FRMD6: variants seen among roughly 807,000 people sequenced by gnomAD.
FRMD6 encodes FERM domain containing 6.
A neutral mutation model predicts 73.2 loss-of-function variants in FRMD6; 37 were observed. The ratio of observed to expected loss-of-function variants is 0.51; its 90% confidence interval spans 0.39 to 0.66. The LOEUF is 0.66. Ranked by LOEUF, FRMD6 falls within the 30% of genes least tolerant of loss-of-function variation. The pLI, the probability that FRMD6 is intolerant of heterozygous loss-of-function variation, is 0.00. For missense variants in FRMD6, 714 were observed against 780.5 expected, an observed-to-expected ratio of 0.91 and a Z score of 1.02; for synonymous variants, 273 against 282.2, an observed-to-expected ratio of 0.97 and a Z score of 0.33.
At chr14:51,581,146 A>G (rs1433452767) in intron 2 of FRMD6, among the ~76,000 whole-genome samples, 2 of 152,136 alleles carry the variant, frequency 1.3e-5, no homozygotes, top group Non-Finnish European at 2.9e-5. Flanking sequence ...CCATTCAACT[A>G]CACTAATATC....
At chr14:51,628,269 G>T (rs182577997) in intron 2 of FRMD6, among the ~76,000 whole-genome samples, 1 of 152,214 alleles carries the variant, frequency 6.6e-6, no homozygotes, top group East Asian at 1.9e-4. Context: ...ATCACTTTAT[G>T]AATTATATAA....
intron 1 of FRMD6, among the ~76,000 whole-genome samples, chr14:51,504,757 C>T (rs1010695958): frequency 3.3e-5 from 5 of 152,184 alleles, no homozygotes; most frequent in African/African-American, 9.7e-5. Flanking sequence ...CAACTGCATT[C>T]CATGTTGTGG....
At chr14:51,625,007 A>G (rs760101981) in intron 2 of FRMD6, among the ~76,000 whole-genome samples, 2 of 152,234 alleles carry the variant, frequency 1.3e-5, no homozygotes, top group Non-Finnish European at 2.9e-5. Flanking sequence ...GTTATATTGT[A>G]TCTAGAAACC....
intron 2 of FRMD6, among the ~76,000 whole-genome samples, chr14:51,632,888 C>T (rs1026628710): frequency 2.6e-5 from 4 of 152,126 alleles, no homozygotes. Context: ...GACCTGAATT[C>T]CAACAAGCCA....
In FRMD6 at chr14:51,534,229, A is replaced by G. The variant is rs534049059; in HGVS notation, c.-209-36119A>G. ...CTAACTGGTTATGTTTTCTCGAACCACATGCTTAAACCAACTTCTTCCACA... is the reference window on the plus strand; with the variant it reads ...CTAACTGGTTATGTTTTCTCGAACCGCATGCTTAAACCAACTTCTTCCACA... On this transcript the variant is annotated intron_variant, in intron 1 of 14. Coordinates refer to the FRMD6 transcript ENST00000356218. 1.1e-4 allele frequency among the ~76,000 whole-genome samples: 16 copies of G among 152,362 alleles called. 1 individual carries two copies. In the South Asian group the frequency reaches 2.3e-3, roughly 22 times the overall value.
the FRMD6 span, among the ~76,000 whole-genome samples, chr14:51,421,655 A>G: frequency 5.3e-5 from 8 of 152,236 alleles, no homozygotes; most frequent in East Asian, 9.6e-4. Flanking sequence ...ATAGAGCACT[A>G]TAATTGAAGT....
At chr14:51,446,980 G>A in the FRMD6 span, among the ~76,000 whole-genome samples, 2 of 152,166 alleles carry the variant, frequency 1.3e-5, no homozygotes, top group African/African-American at 4.8e-5. Context: ...TGTTGTACAG[G>A]AAATTCCACA....
At chr14:51,623,452 G>A (rs1434164335) in intron 2 of FRMD6, among the ~76,000 whole-genome samples, 2 of 152,248 alleles carry the variant, frequency 1.3e-5, no homozygotes, top group East Asian at 1.9e-4. Flanking sequence ...TCTGAAAGCT[G>A]TAATTCTGCA....
intron 1 of FRMD6, among the ~76,000 whole-genome samples, chr14:51,529,671 A>G (rs1885468075): frequency 6.6e-6 from 1 of 152,230 alleles, no homozygotes. Flanking sequence ...TAGTCCCAGC[A>G]TCTCCCGATA....
intron 12 of FRMD6, among the ~76,000 whole-genome samples, chr14:51,722,304 C>T (rs893950021): frequency 5.3e-5 from 8 of 152,184 alleles, no homozygotes; most frequent in Non-Finnish European, 8.8e-5. Flanking sequence ...ATTTTGTGCT[C>T]CATGCTTTGG....
At chr14:51,672,955 TGTAA>T (rs958260650) in intron 1 of FRMD6, among the ~76,000 whole-genome samples, 15 of 152,192 alleles carry the variant, frequency 9.9e-5, no homozygotes, top group African/African-American at 3.6e-4. Context: ...TATTCTAGCA[TGTAA>T]GTAAGTTACT....
the FRMD6 span, among the ~76,000 whole-genome samples, chr14:51,398,560 A>ATT: frequency 1.4e-4 from 21 of 149,424 alleles, no homozygotes; most frequent in African/African-American, 4.4e-4. Flanking sequence ...AGCAAATTGC[A>ATT]TTTTTTTTTT....
chr14:51,460,124 C>T, the FRMD6 span, among the ~76,000 whole-genome samples: 1 of 151,974 alleles, frequency 6.6e-6, no homozygotes, highest in Non-Finnish European at 1.5e-5. Context: ...ATTTATTGAA[C>T]AGCTGCTATA....
At chr14:51,629,819 AG>A (rs761216248) in intron 2 of FRMD6, among the ~76,000 whole-genome samples, 8 of 152,210 alleles carry the variant, frequency 5.3e-5, no homozygotes, top group Non-Finnish European at 8.8e-5. Context: ...TTCAAGCCTC[AG>A]TTTTTTTCAT....
intron 2 of FRMD6, among the ~76,000 whole-genome samples, chr14:51,582,322 C>G (rs991280643): frequency 6.7e-6 from 1 of 150,238 alleles, no homozygotes; most frequent in Non-Finnish European, 1.5e-5. Context: ...TCAGGATAGT[C>G]CGTCGTCCCA....
chr14:51,723,445 A>G (rs961315639), intron 12 of FRMD6, among the ~76,000 whole-genome samples: 71 of 152,296 alleles, frequency 4.7e-4, no homozygotes, highest in African/African-American at 1.7e-3. Context: ...GAAGATTTAT[A>G]TATAAAAAAA....
chr14:51,709,209 T>C (rs1037742001), intron 7 of FRMD6, among the ~76,000 whole-genome samples: 1 of 152,146 alleles, frequency 6.6e-6, no homozygotes, highest in Non-Finnish European at 1.5e-5. Flanking sequence ...TGAATCTCAG[T>C]TTGGCCTCTT....
chr14:51,725,581 A>G lies in FRMD6; in HGVS notation c.1493-198A>G, dbSNP rs114405550. Among the ~76,000 whole-genome samples, 1,273 of 152,322 alleles carry G rather than the reference A, an allele frequency of 8.4e-3. 16 individuals carry two copies. Among genetic ancestry groups the G allele is most frequent in the African/African-American group, 0.028 (1,156 of 41,572 alleles). ...TTACACTCTAACCCTACTTTGACTC[A>G]TTAACCTCTATTTACTGTAAGATGA... is the stretch of plus-strand genomic sequence containing the variant. On this transcript the variant is annotated intron_variant, in intron 12 of 13. Coordinates refer to ENST00000344768, the MANE Select transcript of FRMD6 (RefSeq NM_001267046.2).
chr14:51,675,681 T>G (rs964986253), intron 1 of FRMD6, among the ~76,000 whole-genome samples: 1 of 152,180 alleles, frequency 6.6e-6, no homozygotes, highest in Non-Finnish European at 1.5e-5. Flanking sequence ...TCCAGATGAA[T>G]TTTTTAATTT....
Sources: gnomAD v4.1 joint callset for allele counts (sites outside exome capture counted in the v4.1 genomes callset) on GRCh38, gnomAD v4.1.1 for gene constraint, MANE v1.5 for transcripts, NCBI Gene and HGNC (gene_info 2026-07-23, HGNC 2026-07-21) for gene names.